PTPRT: variants seen among roughly 807,000 people sequenced by gnomAD.
PTPRT encodes the protein protein tyrosine phosphatase receptor type T.
PTPRT carries 56 observed loss-of-function variants against 176.8 expected under a neutral mutation model. The ratio of observed to expected loss-of-function variants is 0.32; its 90% confidence interval spans 0.26 to 0.40. The LOEUF is 0.40. Ranked by LOEUF, PTPRT falls within the 10% of genes least tolerant of loss-of-function variation. The pLI is 1.00. For synonymous variants in PTPRT, 783 were observed against 739.0 expected (o/e 1.06, Z -0.96); for missense variants, 1,540 against 1,908.2 (o/e 0.81, Z 3.60).
intron 1 of PTPRT, among the ~76,000 whole-genome samples, chr20:43,078,969 T>A (rs1383821540): frequency 3.3e-5 from 5 of 152,130 alleles, no homozygotes; most frequent in Admixed American, 1.3e-4. Flanking sequence ...TTCCCCCACA[T>A]CATATTTCCA....
intron 3 of PTPRT, among the ~76,000 whole-genome samples, chr20:42,784,220 T>A (rs1016223357): frequency 6.6e-6 from 1 of 152,144 alleles, no homozygotes; most frequent in Non-Finnish European, 1.5e-5. Context: ...AAAAAATGGT[T>A]TTTGTTCATA....
intron 6 of PTPRT, among the ~76,000 whole-genome samples, chr20:42,722,938 T>G (rs1182290336): frequency 6.6e-6 from 1 of 152,034 alleles, no homozygotes; most frequent in African/African-American, 2.4e-5. Flanking sequence ...GTGGTAAACA[T>G]TAGTGGATGG....
chr20:42,895,841 T>C (rs1261038525), intron 1 of PTPRT, among the ~76,000 whole-genome samples: 1 of 152,226 alleles, frequency 6.6e-6, no homozygotes, highest in Admixed American at 6.5e-5. Context: ...TGGTAGGCTA[T>C]AGCTGGCTGA....
intron 7 of PTPRT, among the ~76,000 whole-genome samples, chr20:42,555,596 G>A (rs1356718342): frequency 2.0e-5 from 3 of 152,080 alleles, no homozygotes; most frequent in African/African-American, 4.8e-5. Context: ...TATGCATCCC[G>A]GCATCCCGGA....
chr20:42,104,728 C>T lies in PTPRT; in HGVS notation c.3391-10G>A, dbSNP rs965333400. On this transcript the variant is annotated splice_polypyrimidine_tract_variant and intron_variant, in intron 24 of 30. Transcript: ENST00000373187. ...CAAACACATATTGCTCCTGCAAAGT[C>T]AGAAGAGAGGGAATGGGGTGCCAGG... is the stretch of plus-strand genomic sequence containing the variant. 3.8e-6 allele frequency: 6 copies of T among 1,564,340 alleles called. No individual in the cohort carries two copies. Among genetic ancestry groups the T allele is most frequent in the Non-Finnish European group, 5.3e-6 (6 of 1,134,902 alleles).
rs541302945 is a variant in PTPRT at position 42,867,222 on chromosome 20, C to T, written c.214+18585G>A. 7.9e-4 allele frequency among the ~76,000 whole-genome samples: 120 copies of T among 152,224 alleles called. 1 individual carries two copies. Among genetic ancestry groups the T allele is most frequent in the African/African-American group, 2.8e-3 (118 of 41,532 alleles). On this transcript the variant is annotated intron_variant, in intron 2 of 30. Transcript: ENST00000373187. Reference sequence around the variant, plus strand: ...AATTCCCCACATAAGTCTTATGAGGCTCTTGTCCCTTATCCTCATTTTAGA... The same window carrying T: ...AATTCCCCACATAAGTCTTATGAGGTTCTTGTCCCTTATCCTCATTTTAGA...
chr20:43,112,716 G>A (rs1242638484), intron 1 of PTPRT, among the ~76,000 whole-genome samples: 3 of 152,214 alleles, frequency 2.0e-5, no homozygotes, highest in African/African-American at 4.8e-5. Context: ...AAACTCAAAA[G>A]TTGAACAAGG....
At chr20:42,939,953 C>T (rs987263484) in intron 1 of PTPRT, among the ~76,000 whole-genome samples, 1 of 152,158 alleles carries the variant, frequency 6.6e-6, no homozygotes, top group African/African-American at 2.4e-5. Context: ...TCCCACTCAA[C>T]ACCACTATTC....
chr20:42,462,937 A>G (rs1479379883), intron 8 of PTPRT, among the ~76,000 whole-genome samples: 1 of 152,204 alleles, frequency 6.6e-6, no homozygotes, highest in Non-Finnish European at 1.5e-5. Flanking sequence ...GAAGTAGTGG[A>G]TGAAGCCTGG....
chr20:42,775,383 C>G (rs114286478), intron 4 of PTPRT, among the ~76,000 whole-genome samples: 1,691 of 152,182 alleles, frequency 0.011, 35 homozygotes, highest in African/African-American at 0.038. Context: ...GGGACACGGC[C>G]CCACAAGATT....
intron 1 of PTPRT, among the ~76,000 whole-genome samples, chr20:43,038,068 T>A (rs1474835722): frequency 6.6e-6 from 1 of 151,496 alleles, no homozygotes; most frequent in Non-Finnish European, 1.5e-5. Context: ...ATAGCATTAT[T>A]TATCTGACTT....
At chr20:42,837,899 T>C (rs2078210368) in intron 2 of PTPRT, among the ~76,000 whole-genome samples, 1 of 152,132 alleles carries the variant, frequency 6.6e-6, no homozygotes, top group African/African-American at 2.4e-5. Flanking sequence ...CAAAGGTGGC[T>C]CTTGGTGTTC....
At chr20:42,904,149 T>C (rs1300377871) in intron 1 of PTPRT, among the ~76,000 whole-genome samples, 1 of 152,182 alleles carries the variant, frequency 6.6e-6, no homozygotes, top group Non-Finnish European at 1.5e-5. Flanking sequence ...TTTCTCCTCT[T>C]TGGAACAAGC....
At chr20:42,886,131 T>G (rs560929061) in intron 1 of PTPRT, among the ~76,000 whole-genome samples, 199 bp from the exon 2 acceptor site, 1 of 152,230 alleles carries the variant, frequency 6.6e-6, no homozygotes, top group Admixed American at 6.5e-5. Flanking sequence ...GGCACTGGCA[T>G]CTGCAGGCCT....
chr20:43,048,886 G>C (rs571180559), intron 1 of PTPRT, among the ~76,000 whole-genome samples: 55 of 152,218 alleles, frequency 3.6e-4, no homozygotes, highest in Admixed American at 3.1e-3. Flanking sequence ...CCCTCACGAA[G>C]ACACCTGCTC....
intron 1 of PTPRT, among the ~76,000 whole-genome samples, chr20:43,086,166 C>T (rs1004634484): frequency 6.6e-6 from 1 of 152,182 alleles, no homozygotes; most frequent in African/African-American, 2.4e-5. Context: ...TCTGTCACCA[C>T]CAAACTTCTT....
rs373821650 is a variant in PTPRT, at chr20:42,985,446, A to G, written c.89-99514T>C. On this transcript the variant is annotated intron_variant, in intron 1 of 30. Transcript: ENST00000373187. ...GGAGGCAGAGGTTGCAGGAGCCAAG[A>G]TCACACCATTGCACTCCAGCCTGGG... Among the ~76,000 whole-genome samples the G allele has an allele frequency of 3.7e-4, 57 of 152,158 alleles. No homozygotes were observed. In the East Asian group the frequency reaches 0.01, roughly 28 times the overall value.
intron 11 of PTPRT, among the ~76,000 whole-genome samples, chr20:42,349,010 A>G (rs1254082587): frequency 2.6e-5 from 4 of 152,244 alleles, no homozygotes; most frequent in African/African-American, 7.2e-5. Flanking sequence ...AGCATTGTCC[A>G]AAGACTTCAG....
chr20:42,517,353 G>A (rs1056825377), intron 7 of PTPRT, among the ~76,000 whole-genome samples: 2 of 151,702 alleles, frequency 1.3e-5, no homozygotes, highest in East Asian at 1.9e-4. Context: ...ATTTATAATC[G>A]TATTTTTTCA....
Sources: allele counts gnomAD v4.1 joint callset (sites outside exome capture counted in the v4.1 genomes callset), GRCh38; gene constraint gnomAD v4.1.1; transcripts MANE v1.5; gene names NCBI Gene and HGNC (gene_info 2026-07-23, HGNC 2026-07-21).